Variants in THADA observed in about 807,000 individuals in gnomAD.
THADA encodes the protein tRNA (32-2'-O)-methyltransferase regulator THADA.
A neutral mutation model predicts 219.8 loss-of-function variants in THADA; 213 were observed. The observed-to-expected ratio is 0.97, with a 90% confidence interval of 0.87 to 1.09. The LOEUF is 1.09. Among genes scored for constraint, THADA ranks in the 50% least tolerant of loss-of-function variants. THADA has a pLI of 0.00. For synonymous variants in THADA, 1,018 were observed against 828.9 expected, an observed-to-expected ratio of 1.23 and a Z score of -3.92; for missense variants, 2,956 against 2,311.3, an observed-to-expected ratio of 1.28 and a Z score of -5.72.
chr2:43,303,853 A>G (rs1166955043), intron 31 of THADA, among the ~76,000 whole-genome samples: 3 of 152,054 alleles, frequency 2.0e-5, no homozygotes, highest in Non-Finnish European at 2.9e-5. Flanking sequence ...CTCAAACTTT[A>G]GCTGCTCACC....
chr2:43,462,990 A>C (rs1266224950), intron 26 of THADA: 1 of 152,198 alleles, frequency 6.6e-6, no homozygotes, highest in Non-Finnish European at 1.5e-5. Context: ...GCAATTTACA[A>C]ATTTAAAGGA....
chr2:43,581,543 C>CAAAAAAAAAAAAAAAAAAA, intron 8 of THADA, among the ~76,000 whole-genome samples, 198 bp downstream of exon 8: 1 of 67,698 alleles, frequency 1.5e-5, no homozygotes, highest in Non-Finnish European at 3.0e-5. Context: ...GATTCGGTCT[C>CAAAAAAAAAAAAAAAAAAA]AAAAAAAAAA....
At chr2:43,399,945 C>T (rs770451564) in intron 28 of THADA, among the ~76,000 whole-genome samples, 1 of 152,186 alleles carries the variant, frequency 6.6e-6, no homozygotes, top group African/African-American at 2.4e-5. Context: ...AATGACCTCA[C>T]TTAGTAAGGC....
intron 29 of THADA, among the ~76,000 whole-genome samples, chr2:43,393,601 G>A (rs1176948460): frequency 1.3e-5 from 2 of 151,768 alleles, no homozygotes; most frequent in Non-Finnish European, 1.5e-5. Context: ...CAAGCTACTC[G>A]GGAGGCTAAG....
chr2:43,556,030 G>C, intron 17 of THADA: 1 of 377,464 alleles, frequency 2.6e-6, no homozygotes, highest in Non-Finnish European at 3.9e-6. Context: ...AAGATGGTCT[G>C]TCTCTAGTCA....
At position 43,523,415 on chromosome 2, in the gene THADA, T is replaced by C. The variant is rs1574074388; in HGVS notation, c.3374+4464A>G. ...AAGTTTACACAAGATTGTATATTCT[T>C]TCATTCAAAGCTGAATGACTCTTCC... On this transcript the variant is annotated intron_variant, in intron 22 of 37. Coordinates refer to ENST00000405975, the MANE Select transcript of THADA (RefSeq NM_022065.5). Among the ~76,000 whole-genome samples, 4 of 152,320 alleles carry C rather than the reference T, an allele frequency of 2.6e-5. 1 individual carries two copies. In the South Asian group the frequency reaches 8.3e-4, roughly 32 times the overall value.
At chr2:43,392,789 A>T (rs1028154128) in intron 29 of THADA, among the ~76,000 whole-genome samples, 4 of 151,982 alleles carry the variant, frequency 2.6e-5, no homozygotes, top group Admixed American at 6.6e-5. Flanking sequence ...TACTCATATG[A>T]TCCCTGGTCC....
At chr2:43,425,134 G>A (rs1385836152) in intron 28 of THADA, among the ~76,000 whole-genome samples, 1 of 152,088 alleles carries the variant, frequency 6.6e-6, no homozygotes, top group Non-Finnish European at 1.5e-5. Flanking sequence ...TAACACCCTT[G>A]ACAAGCCCTG....
In THADA at chr2:43,572,862, G is replaced by A. The variant is rs370758704; in HGVS notation, c.1860C>T (p.Leu620=). 1.1e-4 allele frequency: 173 copies of A among 1,613,684 alleles called. No homozygotes were observed. The highest frequency in any genetic ancestry group is 1.6e-4 in the Middle Eastern group (1 of 6,080). The change falls in exon 12 of 38, where the codon CTC becomes CTT. Residue 620 remains leucine (L), a synonymous_variant. Coordinates refer to ENST00000405975, the MANE Select transcript of THADA (RefSeq NM_022065.5). ...CTTGCTTTATTCTTGCATCAGACAC[G>A]AGGTTCTCCCAGGTATCAGTTGCAG... ...LQSATDTWEN[L]VSDARIKQGL...
At chr2:43,481,760 A>T (rs1686258995) in intron 26 of THADA, among the ~76,000 whole-genome samples, 1 of 152,206 alleles carries the variant, frequency 6.6e-6, no homozygotes, top group African/African-American at 2.4e-5. Flanking sequence ...AAGTGCTTTC[A>T]AATTCTCATT....
intron 36 of THADA, among the ~76,000 whole-genome samples, chr2:43,266,608 C>CA (rs937454075): frequency 4.0e-5 from 6 of 151,672 alleles, no homozygotes; most frequent in Non-Finnish European, 5.9e-5. Flanking sequence ...CTCTCAAAAA[C>CA]AAAAAACAAA....
At chr2:43,338,511 C>A (rs1240092418) in intron 30 of THADA, among the ~76,000 whole-genome samples, 2 of 152,088 alleles carry the variant, frequency 1.3e-5, no homozygotes, top group African/African-American at 4.8e-5. Flanking sequence ...TAAACAATGC[C>A]CCATTTCCTC....
At chr2:43,568,657 A>C (rs1466759225) in intron 14 of THADA, among the ~76,000 whole-genome samples, 2 of 152,212 alleles carry the variant, frequency 1.3e-5, no homozygotes, top group Non-Finnish European at 2.9e-5. Flanking sequence ...CCCTTGCAAA[A>C]AGAAAGCAAA....
At chr2:43,479,401 G>A (rs1179692753) in intron 26 of THADA, among the ~76,000 whole-genome samples, 3 of 152,018 alleles carry the variant, frequency 2.0e-5, no homozygotes, top group African/African-American at 7.3e-5. Flanking sequence ...AATGAGACTG[G>A]ATGACTTCCT....
At chr2:43,233,837 C>A (rs765550183) in intron 36 of THADA, among the ~76,000 whole-genome samples, 3 of 152,180 alleles carry the variant, frequency 2.0e-5, no homozygotes, top group Non-Finnish European at 4.4e-5. Flanking sequence ...TGAAAGCCCA[C>A]TGCACAATGG....
At chr2:43,237,083 A>C (rs994228322) in intron 36 of THADA, among the ~76,000 whole-genome samples, 6 of 150,870 alleles carry the variant, frequency 4.0e-5, no homozygotes, top group Admixed American at 1.3e-4. Context: ...AAAAAAAAAA[A>C]AAAAAAACCA....
At chr2:43,255,600 C>T (rs903213685) in intron 36 of THADA, among the ~76,000 whole-genome samples, 2 of 152,192 alleles carry the variant, frequency 1.3e-5, no homozygotes, top group African/African-American at 4.8e-5. Flanking sequence ...AAACCTCTCC[C>T]GCCTTTTGGA....
intron 26 of THADA, among the ~76,000 whole-genome samples, chr2:43,459,010 T>C (rs761603118): frequency 1.3e-5 from 2 of 152,202 alleles, no homozygotes; most frequent in Non-Finnish European, 1.5e-5. Flanking sequence ...TTGTCTACAT[T>C]ATTCTAACAA....
At chr2:43,294,339 T>C (rs1362860552) in intron 31 of THADA, among the ~76,000 whole-genome samples, 2 of 152,222 alleles carry the variant, frequency 1.3e-5, no homozygotes, top group Non-Finnish European at 2.9e-5. Flanking sequence ...AATTCCAATA[T>C]AGTGGTACAA....
Sources: allele counts gnomAD v4.1 joint callset (sites outside exome capture counted in the v4.1 genomes callset), GRCh38; gene constraint gnomAD v4.1.1; transcripts MANE v1.5; gene names NCBI Gene and HGNC (gene_info 2026-07-23, HGNC 2026-07-21).